The following EPB41L4A variants were observed in gnomAD, a reference collection of about 807,000 sequenced individuals.
EPB41L4A encodes band 4.1-like protein 4A.
EPB41L4A carries 100 observed loss-of-function variants against 108.6 expected under a neutral mutation model. That is an observed-to-expected ratio of 0.92 (90% CI 0.78 to 1.09). The LOEUF is 1.09. Among genes scored for constraint, EPB41L4A ranks in the 50% least tolerant of loss-of-function variants. The pLI is 0.00. For missense variants in EPB41L4A, 1,030 were observed against 842.7 expected (o/e 1.22, Z -2.75); for synonymous variants, 319 against 289.0 (o/e 1.10, Z -1.05).
chr5:112,314,622 C>T (rs1755308950), intron 1 of EPB41L4A, among the ~76,000 whole-genome samples: 1 of 146,026 alleles, frequency 6.8e-6, no homozygotes, highest in South Asian at 2.2e-4. Context: ...TCCTGGCTAA[C>T]ATGGTGAAAC....
intron 1 of EPB41L4A, among the ~76,000 whole-genome samples, chr5:112,400,536 G>C (rs777708099): frequency 1.3e-5 from 2 of 151,972 alleles, no homozygotes; most frequent in Non-Finnish European, 1.5e-5. Flanking sequence ...GTGGGAACAG[G>C]AGCAAGAAAG....
chr5:112,292,858 C>T (rs991745017), intron 2 of EPB41L4A, among the ~76,000 whole-genome samples: 2 of 152,064 alleles, frequency 1.3e-5, no homozygotes, highest in African/African-American at 4.8e-5. Context: ...CACTGTTTTC[C>T]CATTAGGCAA....
intron 1 of EPB41L4A, among the ~76,000 whole-genome samples, chr5:112,349,658 A>C (rs1315520334): frequency 6.6e-6 from 1 of 152,246 alleles, no homozygotes; most frequent in Non-Finnish European, 1.5e-5. Context: ...AAATGGATTC[A>C]CATTCAGCAC....
intron 22 of EPB41L4A, among the ~76,000 whole-genome samples, chr5:112,165,861 C>T: frequency 6.6e-6 from 1 of 152,176 alleles, no homozygotes; most frequent in Non-Finnish European, 1.5e-5. Flanking sequence ...AATGCAGCTA[C>T]CTTTAATCTG....
At chr5:112,329,708 C>A (rs1756425833) in intron 1 of EPB41L4A, among the ~76,000 whole-genome samples, 1 of 152,108 alleles carries the variant, frequency 6.6e-6, no homozygotes, top group African/African-American at 2.4e-5. Flanking sequence ...GACTGCCCTG[C>A]AAATGAAATC....
At chr5:112,157,488 A>G (rs1381333963) in intron 12 of EPB41L4A, among the ~76,000 whole-genome samples, 1 of 152,188 alleles carries the variant, frequency 6.6e-6, no homozygotes, top group Non-Finnish European at 1.5e-5. Flanking sequence ...ACATACATTC[A>G]TTATCTCACA....
rs145288425 is a variant in EPB41L4A, at chr5:112,308,737, T to TTGAAG, written c.100-1252_100-1248dup. On this transcript the variant is annotated intron_variant, in intron 1 of 22. Transcript: ENST00000261486. ...CATGTATTTCTCAGAGGTAAAAATCTTGAAGTGAAATTACTCATCTGAAGG... is the reference window on the plus strand; with the variant it reads ...CATGTATTTCTCAGAGGTAAAAATCTTGAAGTGAAGTGAAATTACTCATCTGAAGG... Among the ~76,000 whole-genome samples, 667 of 152,298 alleles carry TTGAAG rather than the reference T, an allele frequency of 4.4e-3. 9 individuals carry two copies. The highest frequency in any genetic ancestry group is 0.016 in the African/African-American group (650 of 41,566).
chr5:112,363,027 C>T (rs1758876234), intron 1 of EPB41L4A, among the ~76,000 whole-genome samples: 1 of 152,098 alleles, frequency 6.6e-6, no homozygotes, highest in Non-Finnish European at 1.5e-5. Context: ...CTACCTGAGT[C>T]CTGACTTCTT....
chr5:112,382,557 A>G (rs1479119674), intron 1 of EPB41L4A, among the ~76,000 whole-genome samples: 1 of 152,196 alleles, frequency 6.6e-6, no homozygotes, highest in Non-Finnish European at 1.5e-5. Flanking sequence ...CTGTGGTGTT[A>G]ACTGTTTCAT....
intron 22 of EPB41L4A, among the ~76,000 whole-genome samples, chr5:112,168,373 A>G (rs906390905): frequency 3.9e-5 from 6 of 152,250 alleles, no homozygotes; most frequent in African/African-American, 1.4e-4. Context: ...ATCAGTTAAC[A>G]AAGTGAGTCT....
At chr5:112,348,643 A>G (rs1028474161) in intron 1 of EPB41L4A, among the ~76,000 whole-genome samples, 2 of 152,180 alleles carry the variant, frequency 1.3e-5, no homozygotes, top group African/African-American at 4.8e-5. Context: ...GAGGAATGTG[A>G]TCAGACACTA....
chr5:112,375,920 A>C (rs550300751), intron 1 of EPB41L4A, among the ~76,000 whole-genome samples: 1 of 152,332 alleles, frequency 6.6e-6, no homozygotes, highest in South Asian at 2.1e-4. Flanking sequence ...AATGACTGAC[A>C]ATGTCTGTGC....
At chr5:112,352,513 T>C (rs1473771966) in intron 1 of EPB41L4A, among the ~76,000 whole-genome samples, 1 of 152,212 alleles carries the variant, frequency 6.6e-6, no homozygotes, top group Admixed American at 6.5e-5. Context: ...TGGGACTTCT[T>C]TTGTTCAGGA....
chr5:112,396,546 G>A (rs1293208404), intron 1 of EPB41L4A, among the ~76,000 whole-genome samples: 2 of 152,254 alleles, frequency 1.3e-5, no homozygotes, highest in East Asian at 1.9e-4. Flanking sequence ...CAAGCTGAGT[G>A]GTTCTGGCCC....
At chr5:112,258,500 A>G (rs534011758) in intron 9 of EPB41L4A, among the ~76,000 whole-genome samples, 36 of 152,340 alleles carry the variant, frequency 2.4e-4, no homozygotes, top group African/African-American at 8.7e-4. Context: ...ATAAATATGG[A>G]TTAAACATCT....
intron 19 of EPB41L4A, 35 bp downstream of exon 19, chr5:112,170,910 G>C: frequency 6.3e-7 from 1 of 1,593,242 alleles, no homozygotes; most frequent in African/African-American, 1.3e-5. Flanking sequence ...AACTACATGG[G>C]TTTTAAAACA....
rs570773336 is a variant in EPB41L4A at position 112,359,332 on chromosome 5, T to C, written c.100-51842A>G. Among the ~76,000 whole-genome samples, 8 of 152,324 alleles carry C rather than the reference T, an allele frequency of 5.3e-5. No homozygotes were observed. In the South Asian group the frequency reaches 1.7e-3, roughly 32 times the overall value. ...AATAAGAAATTCACTAAATTTTCAG[T>C]TGAGTGCTTGCTTTCCAACTGAGAG... is the stretch of plus-strand genomic sequence containing the variant. On this transcript the variant is annotated intron_variant, in intron 1 of 22. Coordinates refer to ENST00000261486, the MANE Select transcript of EPB41L4A (RefSeq NM_022140.5).
chr5:112,308,916 T>C (rs1327754299), intron 1 of EPB41L4A, among the ~76,000 whole-genome samples: 3 of 152,166 alleles, frequency 2.0e-5, no homozygotes, highest in African/African-American at 2.4e-5. Flanking sequence ...ATAAAGGAAA[T>C]GTTTTAATTT....
chr5:112,188,568 GCCC>G (rs1309066663), intron 17 of EPB41L4A, among the ~76,000 whole-genome samples: 2 of 152,208 alleles, frequency 1.3e-5, no homozygotes, highest in East Asian at 1.9e-4. Context: ...TACTCTGGAA[GCCC>G]TAAATCAACC....
Sources: allele counts gnomAD v4.1 joint callset (sites outside exome capture counted in the v4.1 genomes callset), GRCh38; gene constraint gnomAD v4.1.1; transcripts MANE v1.5; gene names NCBI Gene and HGNC (gene_info 2026-07-23, HGNC 2026-07-21).